NCOR1: variants seen among roughly 807,000 people sequenced by gnomAD.
NCOR1 encodes the protein protein phosphatase 1, regulatory subunit 109.
NCOR1 carries 63 observed loss-of-function variants against 288.1 expected under a neutral mutation model. The observed-to-expected ratio is 0.22, with a 90% CI of 0.18 to 0.27. The LOEUF (loss-of-function observed/expected upper bound fraction) is 0.27. NCOR1 is among the 10% of genes least tolerant of loss of function. The probability of loss-of-function intolerance (pLI) is 1.00; values close to 1 mark genes in which losing one functional copy is unlikely to be tolerated. For missense variants in NCOR1, 2,397 were observed against 3,019.2 expected (o/e 0.79, Z 4.83); for synonymous variants, 1,007 against 1,065.9 (o/e 0.94, Z 1.08).
intron 17 of NCOR1, among the ~76,000 whole-genome samples, chr17:16,118,645 C>T (rs2072282638): frequency 6.6e-6 from 1 of 152,010 alleles, no homozygotes; most frequent in Non-Finnish European, 1.5e-5. Context: ...CATTTGTATA[C>T]ATATATAAGG....
chr17:16,141,117 G>C (rs1212860886), intron 11 of NCOR1, among the ~76,000 whole-genome samples: 1 of 151,954 alleles, frequency 6.6e-6, no homozygotes, highest in African/African-American at 2.4e-5. Flanking sequence ...TCCAAAAGAA[G>C]TACATCTCCG....
intron 1 of NCOR1, among the ~76,000 whole-genome samples, chr17:16,209,637 TA>T (rs34131313): frequency 1.2e-3 from 173 of 142,348 alleles, no homozygotes; most frequent in Admixed American, 2.0e-3. Flanking sequence ...CTTTTGGATG[TA>T]AAAAAAAAAA....
Position 16,157,744 on chromosome 17 carries a change from T to C in NCOR1, c.732+1016A>G, listed in dbSNP as rs2080053043. Among the ~76,000 whole-genome samples the C allele has an allele frequency of 1.3e-5, 2 of 152,084 alleles. 1 individual carries two copies. Among genetic ancestry groups the C allele is most frequent in the Admixed American group, 1.3e-4 (2 of 15,276 alleles). On this transcript the variant is annotated intron_variant, in intron 6 of 45. Coordinates refer to ENST00000268712, the MANE Select transcript of NCOR1 (RefSeq NM_006311.4). ...TATCATTTTTTGCACTGTGGACTTC[T>C]GGAAGCCCACTGTTAAACAGACACT...
At chr17:16,191,413 G>A (rs552869863) in intron 2 of NCOR1, among the ~76,000 whole-genome samples, 2 of 152,168 alleles carry the variant, frequency 1.3e-5, no homozygotes, top group South Asian at 4.1e-4. Context: ...TCTCTTTACA[G>A]GAATATAACA....
At position 16,210,872 on chromosome 17, in the gene NCOR1, G is replaced by C. The variant is rs566200804; in HGVS notation, c.-71+4490C>G. Among the ~76,000 whole-genome samples, 3 of 152,210 alleles carry C rather than the reference G, an allele frequency of 2.0e-5. No homozygotes were observed. In the South Asian group the frequency reaches 6.2e-4, roughly 32 times the overall value. On this transcript the variant is annotated intron_variant, in intron 1 of 45. Transcript: ENST00000268712. ...AGCCTCCCGAGTAGCTGGCACTACA[G>C]GTGCGTGCCATCATGCCCGGCTAAT... is the stretch of plus-strand genomic sequence containing the variant.
At chr17:16,117,865 A>T (rs770577818) in intron 18 of NCOR1, 23 bp downstream of exon 18, 1 of 1,605,836 alleles carries the variant, frequency 6.2e-7, no homozygotes, top group South Asian at 1.1e-5. Context: ...GTAAGTAAAG[A>T]GTCACCACCC....
intron 45 of NCOR1, among the ~76,000 whole-genome samples, chr17:16,033,342 A>C (rs1283306347): frequency 6.6e-6 from 1 of 150,436 alleles, no homozygotes; most frequent in Non-Finnish European, 1.5e-5. Context: ...TCTCCAAAAA[A>C]AAAAAAAAAA....
At chr17:16,143,752 CAATTA>C in intron 10 of NCOR1, 56 bp from the exon 11 acceptor site, 3 of 1,270,496 alleles carry the variant, frequency 2.4e-6, no homozygotes, top group Admixed American at 2.3e-5. Context: ...AAAGACATAT[CAATTA>C]AATTAACTAT....
intron 21 of NCOR1, among the ~76,000 whole-genome samples, chr17:16,092,479 C>G (rs889513659): frequency 6.6e-6 from 1 of 151,310 alleles, no homozygotes; most frequent in African/African-American, 2.4e-5. Flanking sequence ...ACAGCAAGAC[C>G]TAGTTTTCTT....
At chr17:16,208,054 T>C (rs2091745617) in intron 1 of NCOR1, among the ~76,000 whole-genome samples, 1 of 140,716 alleles carries the variant, frequency 7.1e-6, no homozygotes, top group Non-Finnish European at 1.5e-5. Context: ...TTTTTTTTTT[T>C]TTTTTGAGAC....
intron 34 of NCOR1, 105 bp downstream of exon 34, chr17:16,064,765 A>G (rs2060934325): frequency 3.4e-6 from 4 of 1,171,052 alleles, no homozygotes; most frequent in African/African-American, 1.6e-5. Context: ...AAGAAAAACA[A>G]GAAACCAAAT....
intron 40 of NCOR1, among the ~76,000 whole-genome samples, chr17:16,055,504 A>C (rs1363474734): frequency 6.6e-6 from 1 of 152,228 alleles, no homozygotes; most frequent in Non-Finnish European, 1.5e-5. Flanking sequence ...GAAGAGAACA[A>C]CACACACTAG....
chr17:16,053,203 G>C (rs2059515265), intron 40 of NCOR1, among the ~76,000 whole-genome samples: 1 of 152,168 alleles, frequency 6.6e-6, no homozygotes, highest in Non-Finnish European at 1.5e-5. Flanking sequence ...AGGGTGATCA[G>C]GCAAGGGAAC....
At chr17:16,080,808 C>T in intron 23 of NCOR1, 81 bp from the exon 24 acceptor site, 1 of 1,335,828 alleles carries the variant, frequency 7.5e-7, no homozygotes, top group Non-Finnish European at 1.0e-6. Context: ...AGTCAGCATT[C>T]CCATTTCTGT....
intron 17 of NCOR1, among the ~76,000 whole-genome samples, chr17:16,118,589 GCA>G (rs1568135619): frequency 6.6e-6 from 1 of 152,008 alleles, no homozygotes; most frequent in African/African-American, 2.4e-5. Flanking sequence ...ATATATATAT[GCA>G]CACACATAAA....
chr17:16,209,506 G>C (rs562736586), intron 1 of NCOR1, among the ~76,000 whole-genome samples: 19 of 151,812 alleles, frequency 1.3e-4, no homozygotes, highest in Non-Finnish European at 2.5e-4. Context: ...AGGATTACTT[G>C]AGCCCAGAAT....
intron 4 of NCOR1, 149 bp from the exon 5 acceptor site, chr17:16,165,310 A>G (rs776894697): frequency 1.6e-6 from 1 of 610,372 alleles, no homozygotes; most frequent in Non-Finnish European, 2.8e-6. Context: ...ATATTCACAT[A>G]CATGCAAATT....
intron 3 of NCOR1, among the ~76,000 whole-genome samples, chr17:16,179,825 C>T (rs1418210149): frequency 6.6e-6 from 1 of 152,088 alleles, no homozygotes; most frequent in African/African-American, 2.4e-5. Flanking sequence ...ACCATCCTGG[C>T]TAACACAGTG....
At chr17:16,205,978 C>T (rs576650842) in intron 1 of NCOR1, among the ~76,000 whole-genome samples, 7 of 151,622 alleles carry the variant, frequency 4.6e-5, no homozygotes, top group African/African-American at 1.7e-4. Flanking sequence ...CAACTCTCCC[C>T]ATAGTAAAAA....
Sources: gnomAD v4.1 joint callset for allele counts (sites outside exome capture counted in the v4.1 genomes callset) on GRCh38, gnomAD v4.1.1 for gene constraint, MANE v1.5 for transcripts, NCBI Gene and HGNC (gene_info 2026-07-23, HGNC 2026-07-21) for gene names.